Variants in SLC2A13 observed in about 807,000 individuals in gnomAD.
SLC2A13 encodes the protein proton myo-inositol cotransporter.
Under a neutral mutation model 64.4 loss-of-function variants are expected in SLC2A13, and 32 were observed. The observed-to-expected ratio is 0.50, with a 90% confidence interval of 0.37 to 0.67. The LOEUF (loss-of-function observed/expected upper bound fraction) is 0.67, where lower values mean the gene tolerates loss of function less well. SLC2A13 is among the 30% of genes least tolerant of loss of function. The probability of loss-of-function intolerance (pLI) is 0.00; values close to 1 mark genes in which losing one functional copy is unlikely to be tolerated. For missense variants in SLC2A13, 743 were observed against 829.2 expected (o/e 0.90, Z 1.28); for synonymous variants, 338 against 327.1 (o/e 1.03, Z -0.36).
intron 3 of SLC2A13, among the ~76,000 whole-genome samples, chr12:39,984,116 G>A (rs1946979401): frequency 6.6e-6 from 1 of 151,670 alleles, no homozygotes; most frequent in Non-Finnish European, 1.5e-5. Flanking sequence ...ACTCATAGGT[G>A]GGAACTGAAC....
chr12:39,923,220 G>T (rs1421566437), intron 4 of SLC2A13, among the ~76,000 whole-genome samples: 1 of 151,788 alleles, frequency 6.6e-6, no homozygotes, highest in South Asian at 2.1e-4. Context: ...GATCATTGCA[G>T]AATTATTTAC....
intron 3 of SLC2A13, among the ~76,000 whole-genome samples, chr12:39,971,975 T>A (rs1946653150): frequency 9.9e-6 from 1 of 100,722 alleles, no homozygotes; most frequent in African/African-American, 3.6e-5. Context: ...GGAGCAAGAG[T>A]GTCTCCAGAA....
intron 6 of SLC2A13, among the ~76,000 whole-genome samples, chr12:39,843,933 T>A (rs190204877): frequency 3.0e-4 from 46 of 152,090 alleles, no homozygotes; most frequent in African/African-American, 1.1e-3. Context: ...CAGTATGCTT[T>A]TTTCCCCCCA....
chr12:40,047,223 G>A (rs1365850290), intron 2 of SLC2A13, among the ~76,000 whole-genome samples: 1 of 152,060 alleles, frequency 6.6e-6, no homozygotes, highest in African/African-American at 2.4e-5. Context: ...TTCTTCTACT[G>A]TTGAGGATTA....
At chr12:40,076,246 T>C (rs932479502) in intron 1 of SLC2A13, among the ~76,000 whole-genome samples, 3 of 152,184 alleles carry the variant, frequency 2.0e-5, no homozygotes, top group African/African-American at 7.2e-5. Flanking sequence ...GTACAAATTA[T>C]TTCATCTCCC....
intron 3 of SLC2A13, among the ~76,000 whole-genome samples, chr12:39,958,546 G>A (rs148016285): frequency 3.8e-4 from 58 of 152,186 alleles, no homozygotes; most frequent in South Asian, 1.2e-3. Flanking sequence ...AATCCATCCC[G>A]CCTCCACATT....
chr12:40,086,122 C>A (rs1938580815), intron 1 of SLC2A13, among the ~76,000 whole-genome samples: 1 of 152,190 alleles, frequency 6.6e-6, no homozygotes, highest in Admixed American at 6.5e-5. Flanking sequence ...CAGGTGTGAG[C>A]CATCGTGCCT....
chr12:39,760,107 A>C lies in SLC2A13; in HGVS notation c.1866T>G (p.Asp622Glu). ...GAATATATTCAATATATCTCCCTTC[A>C]TCAGAATCTGAAGTGCCACATGTAC... is the stretch of plus-strand genomic sequence containing the variant. Reference protein sequence around the residue: ...RLCTCGTSDSDEGRYIEYIRV... With the variant: ...RLCTCGTSDSEEGRYIEYIRV... Residue 622 changes from aspartate to glutamate, a missense_variant, in exon 10 of 10, where the codon GAT becomes GAG. Transcript: ENST00000280871. 4 of 1,612,944 alleles carry C rather than the reference A, an allele frequency of 2.5e-6. No homozygotes were observed. The highest frequency in any genetic ancestry group is 3.4e-6 in the Non-Finnish European group (4 of 1,179,322).
intron 3 of SLC2A13, among the ~76,000 whole-genome samples, chr12:39,964,702 T>C (rs1946476379): frequency 6.6e-6 from 1 of 152,180 alleles, no homozygotes; most frequent in Admixed American, 6.5e-5. Flanking sequence ...GGTCACAAGG[T>C]GAATGCTGGA....
chr12:40,078,846 C>T (rs1489017024), intron 1 of SLC2A13, among the ~76,000 whole-genome samples: 1 of 152,060 alleles, frequency 6.6e-6, no homozygotes, highest in East Asian at 1.9e-4. Context: ...CCATTTCTTC[C>T]TAGTTCAATC....
In SLC2A13 at chr12:40,032,218, C is replaced by A. The variant is rs555796236; in HGVS notation, c.717-3709G>T. On this transcript the variant is annotated intron_variant, in intron 2 of 9. Transcript: ENST00000280871. ...CCAAGGATCTAAATGTTTTTAAAAC[C>A]CAGGGTAAACATGAACAACAAGCAC... is the stretch of plus-strand genomic sequence containing the variant. Among the ~76,000 whole-genome samples, 6 of 152,128 alleles carry A rather than the reference C, an allele frequency of 3.9e-5. No individual in the cohort carries two copies. The East Asian group carries it at 7.7e-4, about 20-fold the overall frequency.
intron 3 of SLC2A13, among the ~76,000 whole-genome samples, chr12:39,965,850 A>T (rs970868397): frequency 4.6e-5 from 7 of 152,044 alleles, no homozygotes; most frequent in Non-Finnish European, 8.8e-5. Flanking sequence ...CATTAAAAGG[A>T]ATGCAAAGGA....
chr12:39,775,306 G>GT (rs902148484), intron 7 of SLC2A13, among the ~76,000 whole-genome samples: 2 of 152,196 alleles, frequency 1.3e-5, no homozygotes, highest in African/African-American at 4.8e-5. Flanking sequence ...CTTAGGTAAC[G>GT]TAAGTTACTT....
chr12:40,004,149 A>T (rs1242564105), intron 3 of SLC2A13, among the ~76,000 whole-genome samples: 33 of 152,166 alleles, frequency 2.2e-4, no homozygotes, highest in Non-Finnish European at 4.3e-4. Context: ...AGTATATGGG[A>T]AGATGTACAT....
chr12:40,046,236 T>C (rs1321994119), intron 2 of SLC2A13, among the ~76,000 whole-genome samples: 1 of 152,196 alleles, frequency 6.6e-6, no homozygotes, highest in African/African-American at 2.4e-5. Flanking sequence ...AAAAACAGAT[T>C]TGAATCCAGG....
At chr12:40,068,355 G>T in intron 1 of SLC2A13, 1 of 374,702 alleles carries the variant, frequency 2.7e-6, no homozygotes. Flanking sequence ...GCCCAGTCCA[G>T]TATTATTACC....
chr12:39,910,274 T>A (rs1945399324), intron 4 of SLC2A13, among the ~76,000 whole-genome samples: 1 of 152,200 alleles, frequency 6.6e-6, no homozygotes, highest in Non-Finnish European at 1.5e-5. Flanking sequence ...TGTATCTTTA[T>A]AACTTAACCA....
At chr12:39,780,486 T>C (rs1214952198) in intron 7 of SLC2A13, among the ~76,000 whole-genome samples, 1 of 152,210 alleles carries the variant, frequency 6.6e-6, no homozygotes, top group Non-Finnish European at 1.5e-5. Flanking sequence ...ATAAAATGCT[T>C]CTCAAAGAGC....
intron 7 of SLC2A13, among the ~76,000 whole-genome samples, chr12:39,803,385 C>A (rs539493455): frequency 6.6e-6 from 1 of 152,140 alleles, no homozygotes. Context: ...CAATAAACAG[C>A]AGAGCCACAG....
Sources: allele counts gnomAD v4.1 joint callset (sites outside exome capture counted in the v4.1 genomes callset), GRCh38; gene constraint gnomAD v4.1.1; transcripts MANE v1.5; gene names NCBI Gene and HGNC (gene_info 2026-07-23, HGNC 2026-07-21).